WDR76: variants seen among roughly 807,000 people sequenced by gnomAD.
WDR76 encodes WD repeat domain 76.
A neutral mutation model predicts 70.2 loss-of-function variants in WDR76; 52 were observed. The ratio of observed to expected loss-of-function variants is 0.74; its 90% CI spans 0.59 to 0.93. The LOEUF (loss-of-function observed/expected upper bound fraction) is 0.93. Ranked by LOEUF, WDR76 falls within the 40% of genes least tolerant of loss-of-function variation. WDR76 has a pLI of 0.00. For synonymous variants in WDR76, 292 were observed against 271.1 expected (o/e 1.08, Z -0.76); for missense variants, 756 against 760.2 (o/e 0.99, Z 0.07).
At chr15:43,858,602 G>A in intron 10 of WDR76, 69 bp from the exon 11 acceptor site, 1 of 1,561,906 alleles carries the variant, frequency 6.4e-7, no homozygotes, top group Non-Finnish European at 8.7e-7. Flanking sequence ...TCTAACTTAT[G>A]TTTAGCCCTG....
At chr15:43,850,419 C>A (rs1191541463) in intron 8 of WDR76, among the ~76,000 whole-genome samples, 1 of 151,958 alleles carries the variant, frequency 6.6e-6, no homozygotes, top group African/African-American at 2.4e-5. Context: ...CCTCAGCCTC[C>A]CGAGTAGATG....
rs1301543009 is a variant in WDR76 at position 43,866,670 on chromosome 15, A to G, written c.*278A>G. ...AGATGGAGTTTTGCTCTTGTTGCCCAGGCTGGAGTGCAATAGCGCGATCTT... is the reference window on the plus strand; with the variant it reads ...AGATGGAGTTTTGCTCTTGTTGCCCGGGCTGGAGTGCAATAGCGCGATCTT... On this transcript the variant is annotated 3_prime_UTR_variant, in exon 13 of 13. Transcript: ENST00000263795. 6 of 325,724 alleles carry G rather than the reference A, an allele frequency of 1.8e-5. No individual in the cohort carries two copies. The highest frequency in any genetic ancestry group is 1.2e-4 in the East Asian group (2 of 16,384). 20.2% of individuals were successfully genotyped at this position (325,724 alleles called of 1,614,324 possible).
At chr15:43,831,100 A>G (rs1303918962) in intron 2 of WDR76, among the ~76,000 whole-genome samples, 2 of 151,618 alleles carry the variant, frequency 1.3e-5, no homozygotes, top group Non-Finnish European at 2.9e-5. Context: ...GCGTGGTGGC[A>G]GGTGCCTGTA....
intron 12 of WDR76, among the ~76,000 whole-genome samples, chr15:43,865,132 G>A (rs992218540): frequency 6.9e-6 from 1 of 144,314 alleles, no homozygotes; most frequent in Non-Finnish European, 1.5e-5. Flanking sequence ...ATCTCACTCT[G>A]TTGCCCAGGC....
intron 4 of WDR76, among the ~76,000 whole-genome samples, chr15:43,837,710 A>G (rs1297471959): frequency 1.3e-5 from 2 of 152,142 alleles, no homozygotes; most frequent in Non-Finnish European, 2.9e-5. Flanking sequence ...AAAAAGGTAC[A>G]TATAATGTAT....
intron 9 of WDR76, among the ~76,000 whole-genome samples, 180 bp from the exon 10 acceptor site, chr15:43,856,766 T>C (rs2087932913): frequency 6.6e-6 from 1 of 152,098 alleles, no homozygotes; most frequent in Non-Finnish European, 1.5e-5. Context: ...TTGAAGGTAA[T>C]GGAACCCCAA....
Position 43,851,236 on chromosome 15 carries a change from T to A in WDR76, c.1182T>A (p.Ile394=), listed in dbSNP as rs770600464. 43 of 1,613,914 alleles carry A rather than the reference T, an allele frequency of 2.7e-5. No homozygotes were observed. Among genetic ancestry groups the A allele is most frequent in the Non-Finnish European group, 3.6e-5 (42 of 1,179,996 alleles). Residue 394 remains isoleucine, a synonymous_variant, in exon 9 of 13, where the codon ATT becomes ATA. Transcript: ENST00000263795. ...TLRCGDFSRA[I]FEEVYRNERS... is the part of the protein sequence containing the mutation. ...GCTGTGGGGATTTTTCCAGGGCTATTTTTGAAGAGGTAAATGTTAATGTGT... is the reference window on the plus strand; with the variant it reads ...GCTGTGGGGATTTTTCCAGGGCTATATTTGAAGAGGTAAATGTTAATGTGT...
At chr15:43,857,379 C>T (rs1340393976) in intron 10 of WDR76, 5 of 843,364 alleles carry the variant, frequency 5.9e-6, no homozygotes, top group Non-Finnish European at 7.1e-6. Context: ...AGTGAAAAAG[C>T]TGAAAGAAAT....
At chr15:43,845,241 G>C (rs1008473684) in intron 8 of WDR76, among the ~76,000 whole-genome samples, 1 of 149,842 alleles carries the variant, frequency 6.7e-6, no homozygotes, top group African/African-American at 2.4e-5. Context: ...GAGCCACGGC[G>C]CCCAGCCCGA....
At position 43,831,583 on chromosome 15, in the gene WDR76, C is replaced by T. The variant is rs1040105320; in HGVS notation, c.462+3217C>T. Reference sequence around the variant, plus strand: ...CGTCCCGAGTAGCTGGGATTACTGGCGTGTGCCACCATGCCTAGCTAATTT... The same window carrying T: ...CGTCCCGAGTAGCTGGGATTACTGGTGTGTGCCACCATGCCTAGCTAATTT... On this transcript the variant is annotated intron_variant, in intron 2 of 12. Coordinates refer to ENST00000263795, the MANE Select transcript of WDR76 (RefSeq NM_024908.4). Among the ~76,000 whole-genome samples the T allele has an allele frequency of 4.6e-5, 7 of 152,100 alleles. No homozygotes were observed. The East Asian group carries it at 9.7e-4, about 21-fold the overall frequency.
intron 2 of WDR76, 35 bp downstream of exon 2, chr15:43,828,401 CTTTT>C (rs752408496): frequency 1.3e-6 from 2 of 1,541,858 alleles, no homozygotes; most frequent in Admixed American, 2.2e-5. Context: ...TCTGGTTTCT[CTTTT>C]TTGAAATTTG....
chr15:43,840,342 T>TA (rs916790078), intron 5 of WDR76, among the ~76,000 whole-genome samples: 133 of 148,614 alleles, frequency 8.9e-4, no homozygotes, highest in African/African-American at 2.8e-3. Flanking sequence ...TATGTCAGTT[T>TA]AAAAAAAAAA....
At chr15:43,844,867 G>A (rs1311380477) in intron 8 of WDR76, among the ~76,000 whole-genome samples, 1 of 110,690 alleles carries the variant, frequency 9.0e-6, no homozygotes, top group Non-Finnish European at 1.9e-5. Flanking sequence ...GGGGGAGCTT[G>A]CAGTGAGCCG....
intron 8 of WDR76, among the ~76,000 whole-genome samples, chr15:43,850,790 T>G (rs1208963920): frequency 6.6e-6 from 1 of 152,204 alleles, no homozygotes; most frequent in Non-Finnish European, 1.5e-5. Flanking sequence ...AGAGTAGATT[T>G]ATCATTTCCT....
rs71421806 is a variant in WDR76, at chr15:43,850,267, T to TTTTTATTTTATTTTA, written c.1033-790_1033-776dup. ...ATACATGCATTTTTATGGTGTTATT[T>TTTTTATTTTATTTTA]TTTTATTTTATTTTATTTTATTTTA... is the stretch of plus-strand genomic sequence containing the variant. On this transcript the variant is annotated intron_variant, in intron 8 of 12. Transcript: ENST00000263795. Among the ~76,000 whole-genome samples the TTTTTATTTTATTTTA allele has an allele frequency of 9.8e-4, 145 of 148,398 alleles. 1 individual carries two copies. Among genetic ancestry groups the TTTTTATTTTATTTTA allele is most frequent in the African/African-American group, 3.3e-3 (131 of 40,206 alleles).
intron 7 of WDR76, among the ~76,000 whole-genome samples, chr15:43,843,013 CTTTTTTTTTT>C (rs370773260): frequency 8.3e-6 from 1 of 119,950 alleles, no homozygotes; most frequent in Admixed American, 9.3e-5. Flanking sequence ...TTTTCTTTTT[CTTTTTTTTTT>C]TTTTTTTTTT....
intron 8 of WDR76, among the ~76,000 whole-genome samples, chr15:43,845,898 G>C (rs2087782472): frequency 2.0e-5 from 3 of 149,974 alleles, no homozygotes; most frequent in Admixed American, 2.0e-4. Context: ...AGTTGGTTGG[G>C]GTTTATAAAC....
At chr15:43,846,298 G>A (rs932702126) in intron 8 of WDR76, among the ~76,000 whole-genome samples, 3 of 140,946 alleles carry the variant, frequency 2.1e-5, no homozygotes, top group East Asian at 4.0e-4. Flanking sequence ...TTTTTTTCCC[G>A]CCCCTGAGAT....
At position 43,866,226 on chromosome 15, in the gene WDR76, G is replaced by A. The variant is rs750928884; in HGVS notation, c.1715G>A (p.Arg572Gln). The change falls in exon 13 of 13, where the codon CGA becomes CAA. Residue 572 changes from arginine to glutamine, a missense_variant. Physicochemically the swap from Arg to Gln is conservative, Grantham distance 43 (BLOSUM62 1). Transcript: ENST00000263795. The part of the protein sequence containing the change: ...CVIVGSMAHP[R>Q]RVEIFHETGK... Reference sequence around the variant, plus strand: ...ATAGTTGGCAGCATGGCCCATCCACGACGGGTAGAAATCTTCCATGAGACA... The same window carrying A: ...ATAGTTGGCAGCATGGCCCATCCACAACGGGTAGAAATCTTCCATGAGACA... 9.3e-6 allele frequency: 15 copies of A among 1,614,068 alleles called. No individual in the cohort carries two copies. The Admixed American group carries it at 2.3e-4, about 25-fold the overall frequency.
Sources: allele counts gnomAD v4.1 joint callset (sites outside exome capture counted in the v4.1 genomes callset), GRCh38; gene constraint gnomAD v4.1.1; transcripts MANE v1.5; gene names NCBI Gene and HGNC (gene_info 2026-07-23, HGNC 2026-07-21).